IGF1: variants seen among roughly 807,000 people sequenced by gnomAD.
IGF1 encodes insulin-like growth factor 1.
In IGF1, 4 loss-of-function variants were observed where a neutral mutation model predicts 13.8. The ratio of observed to expected loss-of-function variants is 0.29; its 90% CI spans 0.14 to 0.66. The LOEUF (loss-of-function observed/expected upper bound fraction) is 0.66, where lower values mean the gene tolerates loss of function less well. IGF1 is among the 30% of genes least tolerant of loss of function. The pLI, the probability that IGF1 is intolerant of heterozygous loss-of-function variation, is 0.78. For missense variants in IGF1, 124 were observed against 188.5 expected (o/e 0.66, Z 2.00); for synonymous variants, 76 against 72.6 (o/e 1.05, Z -0.23).
chr12:102,447,677 G>T (rs763555537), intron 2 of IGF1, among the ~76,000 whole-genome samples: 2 of 152,094 alleles, frequency 1.3e-5, no homozygotes, highest in African/African-American at 2.4e-5. Context: ...TATCCTATTT[G>T]CCAGTCTGTG....
intron 2 of IGF1, among the ~76,000 whole-genome samples, chr12:102,461,875 A>G (rs1879924417): frequency 6.6e-6 from 1 of 152,206 alleles, no homozygotes; most frequent in South Asian, 2.1e-4. Context: ...CATTTTTGAA[A>G]TCTGCAGTGA....
chr12:102,422,466 T>C (rs957000212), intron 2 of IGF1, among the ~76,000 whole-genome samples: 2 of 152,230 alleles, frequency 1.3e-5, no homozygotes, highest in African/African-American at 4.8e-5. Context: ...TGATTTCTTC[T>C]GGCTCTACAT....
At position 102,397,084 on chromosome 12, in the gene IGF1, C is replaced by T. The variant is rs1320508564; in HGVS notation, c.*5423G>A. 2 of 349,086 alleles carry T rather than the reference C, an allele frequency of 5.7e-6. No homozygotes were observed. Among genetic ancestry groups the T allele is most frequent in the East Asian group, 8.3e-5 (2 of 24,006 alleles). The allele number at this position is 349,086 out of a possible 1,614,324, so 21.6% of individuals were successfully genotyped here. On this transcript the variant is annotated 3_prime_UTR_variant, in exon 4 of 4. Coordinates refer to ENST00000337514, the MANE Select transcript of IGF1 (RefSeq NM_000618.5). ...GGGCATAGTGGTGGGTGCCTGTAAT[C>T]CCAGCTACTCAGGAGGCTGAGGCAG...
chr12:102,429,863 G>A (rs1876587521), intron 2 of IGF1, among the ~76,000 whole-genome samples: 1 of 152,178 alleles, frequency 6.6e-6, no homozygotes, highest in South Asian at 2.1e-4. Flanking sequence ...TCACTTCTGT[G>A]AATTTCCTTT....
At chr12:102,444,106 C>A (rs1878100332) in intron 2 of IGF1, among the ~76,000 whole-genome samples, 1 of 151,994 alleles carries the variant, frequency 6.6e-6, no homozygotes, top group Non-Finnish European at 1.5e-5. Context: ...AGATTACAGG[C>A]ATGAGCCACC....
chr12:102,481,347 C>CTCTGTG (rs1208119570), upstream of IGF1, among the ~76,000 whole-genome samples: 129 of 140,376 alleles, frequency 9.2e-4, no homozygotes, highest in African/African-American at 7.8e-4. Context: ...TAACTCAAAC[C>CTCTGTG]TGTGTGTGTG....
At chr12:102,409,975 G>A (rs1054557445) in intron 3 of IGF1, among the ~76,000 whole-genome samples, 6 of 152,184 alleles carry the variant, frequency 3.9e-5, no homozygotes, top group African/African-American at 1.4e-4. Flanking sequence ...TAGCTCCTTG[G>A]TTTCCGGAGC....
intron 2 of IGF1, among the ~76,000 whole-genome samples, chr12:102,474,971 G>C (rs2137270345): frequency 6.6e-6 from 1 of 152,262 alleles, no homozygotes; most frequent in South Asian, 2.1e-4. Context: ...TCCAGATGGT[G>C]ATATCATTGA....
intron 2 of IGF1, among the ~76,000 whole-genome samples, chr12:102,421,591 T>A (rs1361819889): frequency 6.6e-6 from 1 of 152,200 alleles, no homozygotes; most frequent in African/African-American, 2.4e-5. Context: ...AGGTAATGAT[T>A]GCCCTTTGTT....
chr12:102,466,838 T>G (rs1269063244), intron 2 of IGF1, among the ~76,000 whole-genome samples: 1 of 152,048 alleles, frequency 6.6e-6, no homozygotes, highest in Non-Finnish European at 1.5e-5. Flanking sequence ...CCTGGGAGGT[T>G]GAGGCTGCAG....
intron 2 of IGF1, among the ~76,000 whole-genome samples, chr12:102,472,424 A>T (rs1467086373): frequency 6.6e-6 from 1 of 152,184 alleles, no homozygotes; most frequent in African/African-American, 2.4e-5. Context: ...GAGTTAAAAA[A>T]AAACTCTCCT....
rs1873335633 is a variant in IGF1, at chr12:102,397,743, A to G, written c.*4764T>C. On this transcript the variant is annotated 3_prime_UTR_variant, in exon 4 of 4. Transcript: ENST00000337514. The stretch of plus-strand genomic sequence containing the variant: ...CAAGGGAGGGGCATAAACTTTCACA[A>G]TTCTTCTGTTTTAAAATAAATGATG... 6.6e-6 allele frequency: 1 copy of G among 152,176 alleles called. No homozygotes were observed. The highest frequency in any genetic ancestry group is 6.5e-5 in the Admixed American group (1 of 15,276). The allele number at this position is 152,176 out of a possible 1,614,324, so 9.4% of individuals were successfully genotyped here. A position where few individuals can be genotyped will look rare whatever the true frequency, so the allele number is the denominator to read the frequency against.
chr12:102,477,714 T>C (rs1881149218), intron 1 of IGF1, among the ~76,000 whole-genome samples: 1 of 152,180 alleles, frequency 6.6e-6, no homozygotes, highest in African/African-American at 2.4e-5. Context: ...AGAAAGTATG[T>C]TATTCTACCG....
rs1026606843 is a variant in IGF1, at chr12:102,402,145, A to G, written c.*362T>C. The G allele has an allele frequency of 5.1e-5, 8 of 158,034 alleles. No individual in the cohort carries two copies. The highest frequency in any genetic ancestry group is 1.7e-4 in the African/African-American group (7 of 41,662). The allele number at this position is 158,034 out of a possible 1,614,324, so 9.8% of individuals were successfully genotyped here. On this transcript the variant is annotated 3_prime_UTR_variant, in exon 4 of 4. Transcript: ENST00000337514. ...AGGTTGCTGAATGAATGGCTCCAGC[A>G]GCCAAGATTCAGAGAGGAATTTAGT...
chr12:102,415,588 T>TTCCG, intron 3 of IGF1: 2 of 147,572 alleles, frequency 1.4e-5, no homozygotes, highest in African/African-American at 5.1e-5. Context: ...CCTTCCTTCC[T>TTCCG]TCCTTCCTTC....
chr12:102,416,407 C>A lies in IGF1; in HGVS notation c.402+3102G>T, dbSNP rs17884984. On this transcript the variant is annotated intron_variant, in intron 3 of 3. Coordinates refer to ENST00000337514, the MANE Select transcript of IGF1 (RefSeq NM_000618.5). ...AATTCTGTGATTCTATTTAACTTTT[C>A]TTCACCCTCAGGGAAATCCAGCACT... is the stretch of plus-strand genomic sequence containing the variant. Among the ~76,000 whole-genome samples the A allele has an allele frequency of 5.5e-3, 832 of 152,314 alleles. 8 individuals are homozygous for A. The highest frequency in any genetic ancestry group is 0.019 in the African/African-American group (801 of 41,566).
chr12:102,472,638 G>A (rs1386309469), intron 2 of IGF1, among the ~76,000 whole-genome samples: 6 of 152,192 alleles, frequency 3.9e-5, no homozygotes, highest in Non-Finnish European at 8.8e-5. Flanking sequence ...GGAGTCAACT[G>A]ACAGTGTATA....
chr12:102,433,288 A>T (rs1876906085), intron 2 of IGF1, among the ~76,000 whole-genome samples: 1 of 152,248 alleles, frequency 6.6e-6, no homozygotes, highest in Non-Finnish European at 1.5e-5. Context: ...TCTCAGTACC[A>T]GGGATAAGAA....
Position 102,415,552 on chromosome 12 carries a change from T to TTCCTTCCTTCCTTCCTTCCG in IGF1, c.402+3956_402+3957insCGGAAGGAAGGAAGGAAGGA, listed in dbSNP as rs1264739334. ...TTTGTTCTTCCTTCCCTTTCCTTCC[T>TTCCTTCCTTCCTTCCTTCCG]TCCTTCCTTCCTTCCTTCCTTCCTT... On this transcript the variant is annotated intron_variant, in intron 3 of 3. Transcript: ENST00000337514. Among the ~76,000 whole-genome samples the TTCCTTCCTTCCTTCCTTCCG allele has an allele frequency of 4.1e-4, 51 of 123,544 alleles. 1 individual carries two copies. Among genetic ancestry groups the TTCCTTCCTTCCTTCCTTCCG allele is most frequent in the African/African-American group, 1.6e-3 (50 of 30,670 alleles). 81.0% of individuals were successfully genotyped at this position (123,544 alleles called of 152,430 possible).
Sources: allele counts gnomAD v4.1 joint callset (sites outside exome capture counted in the v4.1 genomes callset), GRCh38; gene constraint gnomAD v4.1.1; transcripts MANE v1.5; gene names NCBI Gene and HGNC (gene_info 2026-07-23, HGNC 2026-07-21).